The following RORB variants were observed in gnomAD, a reference collection of about 807,000 sequenced individuals.
RORB encodes the protein RAR related orphan receptor B.
In RORB, 6 loss-of-function variants were observed where a neutral mutation model predicts 59.1. The ratio of observed to expected loss-of-function variants is 0.10; its 90% CI spans 0.06 to 0.20. The LOEUF (loss-of-function observed/expected upper bound fraction) is 0.20. RORB is among the 10% of genes least tolerant of loss of function. The pLI is 1.00. For missense variants in RORB, 320 were observed against 560.5 expected (o/e 0.57, Z 4.33); for synonymous variants, 215 against 204.5 (o/e 1.05, Z -0.44).
chr9:74,558,995 C>T (rs1469357589), intron 1 of RORB, among the ~76,000 whole-genome samples: 1 of 152,128 alleles, frequency 6.6e-6, no homozygotes, highest in South Asian at 2.1e-4. Context: ...AAAGAAAATT[C>T]TAGGGAGAGT....
intron 1 of RORB, among the ~76,000 whole-genome samples, chr9:74,525,675 G>A (rs1187822761): frequency 2.6e-5 from 4 of 151,778 alleles, no homozygotes; most frequent in Non-Finnish European, 4.4e-5. Flanking sequence ...TGTTCCCATG[G>A]GAAAATGAAT....
intron 1 of RORB, among the ~76,000 whole-genome samples, chr9:74,555,002 G>T (rs140540399): frequency 6.6e-6 from 1 of 152,322 alleles, no homozygotes; most frequent in Admixed American, 6.5e-5. Context: ...AAACGTGGGC[G>T]CAGAAGCAAA....
At chr9:74,572,682 TC>T (rs1422173613) in intron 1 of RORB, among the ~76,000 whole-genome samples, 1 of 152,184 alleles carries the variant, frequency 6.6e-6, no homozygotes, top group Non-Finnish European at 1.5e-5. Context: ...GAATATTTTT[TC>T]TTTCTACACT....
intron 1 of RORB, among the ~76,000 whole-genome samples, chr9:74,625,535 G>A (rs1383624744): frequency 6.6e-6 from 1 of 152,208 alleles, no homozygotes; most frequent in Non-Finnish European, 1.5e-5. Flanking sequence ...TATCCCCTGA[G>A]TCTGGGGGTT....
chr9:74,670,907 A>T (rs1316495558), intron 8 of RORB, among the ~76,000 whole-genome samples: 1 of 152,146 alleles, frequency 6.6e-6, no homozygotes, highest in Non-Finnish European at 1.5e-5. Context: ...TACAGAATTG[A>T]GTTTCTCACC....
chr9:74,662,413 G>A (rs1476888975), intron 5 of RORB, 61 bp from the exon 6 acceptor site: 38 of 1,565,526 alleles, frequency 2.4e-5, no homozygotes, highest in Non-Finnish European at 3.2e-5. Context: ...AAACCTGAGT[G>A]TTCTGTTGAC....
chr9:74,582,568 A>G (rs1009714781), intron 1 of RORB, among the ~76,000 whole-genome samples: 2 of 152,190 alleles, frequency 1.3e-5, no homozygotes, highest in African/African-American at 4.8e-5. Context: ...GTATCCTTAA[A>G]ACACTAGGAT....
intron 1 of RORB, among the ~76,000 whole-genome samples, chr9:74,621,086 G>A (rs993624536): frequency 6.6e-6 from 1 of 152,084 alleles, no homozygotes; most frequent in Non-Finnish European, 1.5e-5. Flanking sequence ...TTTTGCATAA[G>A]TATGGCATAC....
intron 1 of RORB, among the ~76,000 whole-genome samples, chr9:74,560,172 T>G (rs1339606141): frequency 6.6e-6 from 1 of 152,152 alleles, no homozygotes; most frequent in African/African-American, 2.4e-5. Flanking sequence ...AATACGTCGT[T>G]TAGGAGTAAG....
chr9:74,642,286 A>T, intron 3 of RORB, 128 bp from the exon 4 acceptor site: 2 of 930,744 alleles, frequency 2.1e-6, no homozygotes, highest in Non-Finnish European at 3.3e-6. Context: ...ATGGGTTCTT[A>T]AGTTATGGTG....
intron 1 of RORB, among the ~76,000 whole-genome samples, chr9:74,526,853 A>T (rs1203889123): frequency 1.3e-5 from 2 of 152,004 alleles, no homozygotes; most frequent in African/African-American, 4.8e-5. Flanking sequence ...AGAAACAAAA[A>T]GCAAGCAACA....
chr9:74,517,942 T>C lies in RORB; in HGVS notation c.7+19959T>C, dbSNP rs139634610. Among the ~76,000 whole-genome samples, 430 of 152,144 alleles carry C rather than the reference T, an allele frequency of 2.8e-3. 3 individuals carry two copies. The highest frequency in any genetic ancestry group is 4.5e-3 in the Admixed American group (69 of 15,248). ...AAACCCTTGAGATTAGCAGTATTTT[T>C]ATCCCCATGTCACAGGTGAAGAAAA... is the stretch of plus-strand genomic sequence containing the variant. On this transcript the variant is annotated intron_variant, in intron 1 of 9. Transcript: ENST00000376896.
Position 74,692,421 on chromosome 9 carries a change from A to G in RORB, c.*6803A>G, listed in dbSNP as rs1322266682. ...TTTAGGATTGAGAGAAATGATTTTC[A>G]TATACTTCCAACATTCAGAGATTTA... On this transcript the variant is annotated 3_prime_UTR_variant, in exon 10 of 10. Transcript: ENST00000376896. 1 of 152,244 alleles carries G rather than the reference A, an allele frequency of 6.6e-6. No homozygotes were observed. Among genetic ancestry groups the G allele is most frequent in the East Asian group, 1.9e-4 (1 of 5,190 alleles). 9.4% of individuals were successfully genotyped at this position (152,244 alleles called of 1,614,324 possible).
At chr9:74,655,524 T>C (rs1371741431) in intron 4 of RORB, among the ~76,000 whole-genome samples, 1 of 152,166 alleles carries the variant, frequency 6.6e-6, no homozygotes, top group East Asian at 1.9e-4. Context: ...CCTCTGCTCT[T>C]TTACCTCAGT....
intron 1 of RORB, among the ~76,000 whole-genome samples, chr9:74,594,709 A>G (rs1260484338): frequency 2.0e-5 from 3 of 152,168 alleles, no homozygotes; most frequent in Non-Finnish European, 4.4e-5. Flanking sequence ...GCTGCAGTCT[A>G]TAAAGTTTTT....
In RORB at chr9:74,661,887, C is replaced by T. The variant is rs905242601; in HGVS notation, c.760-587C>T. 3.3e-5 allele frequency among the ~76,000 whole-genome samples: 5 copies of T among 151,912 alleles called. No homozygotes were observed. In the East Asian group the frequency reaches 5.8e-4, roughly 18 times the overall value. ...GTGTCGATCTCCTGACCCTGTGATCCGCCTGCCTCAGCCTCCCAAAGTGCT... is the reference window on the plus strand; with the variant it reads ...GTGTCGATCTCCTGACCCTGTGATCTGCCTGCCTCAGCCTCCCAAAGTGCT... On this transcript the variant is annotated intron_variant, in intron 5 of 9. Transcript: ENST00000376896.
intron 1 of RORB, among the ~76,000 whole-genome samples, chr9:74,554,451 T>C (rs1303113668): frequency 1.3e-5 from 2 of 152,062 alleles, no homozygotes; most frequent in Admixed American, 1.3e-4. Context: ...TGCAGGAGTT[T>C]GTTATTTAAA....
intron 4 of RORB, among the ~76,000 whole-genome samples, chr9:74,649,197 GCCTCAGCCTC>G (rs550435792): frequency 1.3e-5 from 2 of 152,022 alleles, no homozygotes; most frequent in Admixed American, 1.3e-4. Flanking sequence ...TAACACACCC[GCCTCAGCCTC>G]CCAAAAGTGC....
intron 1 of RORB, among the ~76,000 whole-genome samples, chr9:74,593,466 TAAAAAAAA>T: frequency 8.0e-6 from 1 of 124,796 alleles, no homozygotes; most frequent in South Asian, 2.7e-4. Flanking sequence ...AAACTCCATC[TAAAAAAAA>T]AAAAAAAAAA....
Sources: allele counts gnomAD v4.1 joint callset (sites outside exome capture counted in the v4.1 genomes callset), GRCh38; gene constraint gnomAD v4.1.1; transcripts MANE v1.5; gene names NCBI Gene and HGNC (gene_info 2026-07-23, HGNC 2026-07-21).